RBFOX1: variants seen among roughly 807,000 people sequenced by gnomAD.
RBFOX1 encodes RNA binding protein fox-1 homolog 1.
In RBFOX1, 8 loss-of-function variants were observed where a neutral mutation model predicts 57.7. That is an observed-to-expected ratio of 0.14 (90% confidence interval 0.08 to 0.25). The LOEUF (loss-of-function observed/expected upper bound fraction) is 0.25, where lower values mean the gene tolerates loss of function less well. RBFOX1 is among the 10% of genes least tolerant of loss of function. The probability of loss-of-function intolerance (pLI) is 1.00; values close to 1 mark genes in which losing one functional copy is unlikely to be tolerated. For missense variants in RBFOX1, 611 were observed against 548.5 expected (o/e 1.11, Z -1.14); for synonymous variants, 326 against 222.4 (o/e 1.47, Z -4.15).
At chr16:6,762,790 C>A (rs528233230) in intron 3 of RBFOX1, among the ~76,000 whole-genome samples, 1 of 152,016 alleles carries the variant, frequency 6.6e-6, no homozygotes, top group Admixed American at 6.6e-5. Context: ...GGAAGACAGG[C>A]AAGGAAACAG....
chr16:6,582,916 G>T (rs2097556976), intron 2 of RBFOX1, among the ~76,000 whole-genome samples: 1 of 149,232 alleles, frequency 6.7e-6, no homozygotes, highest in Admixed American at 6.7e-5. Context: ...ACTATTATTT[G>T]CAATTTTTCT....
intron 1 of RBFOX1, among the ~76,000 whole-genome samples, chr16:6,292,922 G>A (rs888868259): frequency 2.0e-5 from 3 of 152,096 alleles, no homozygotes; most frequent in African/African-American, 7.2e-5. Flanking sequence ...TCTGGCTCCA[G>A]CCTGTTTCAA....
At chr16:7,400,143 A>T (rs535625028) in intron 4 of RBFOX1, among the ~76,000 whole-genome samples, 142 of 152,244 alleles carry the variant, frequency 9.3e-4, no homozygotes, top group Non-Finnish European at 1.7e-3. Context: ...GAATTTTCTG[A>T]TTCTGCCATT....
chr16:6,712,769 C>A (rs982611124), intron 3 of RBFOX1, among the ~76,000 whole-genome samples: 1 of 151,914 alleles, frequency 6.6e-6, no homozygotes, highest in African/African-American at 2.4e-5. Flanking sequence ...ATTCCACTTA[C>A]CAGTTGATAT....
chr16:7,659,812 T>C (rs1229346716), intron 12 of RBFOX1, among the ~76,000 whole-genome samples: 4 of 152,250 alleles, frequency 2.6e-5, no homozygotes, highest in African/African-American at 9.6e-5. Context: ...ACAAACATGA[T>C]GAATAAGTGG....
intron 3 of RBFOX1, among the ~76,000 whole-genome samples, chr16:5,823,957 A>G (rs1336888224): frequency 6.6e-6 from 1 of 152,206 alleles, no homozygotes; most frequent in Non-Finnish European, 1.5e-5. Flanking sequence ...ATTGTCTTCC[A>G]TGAAACCAGT....
At chr16:6,399,727 T>C (rs1190593195) in intron 2 of RBFOX1, among the ~76,000 whole-genome samples, 1 of 152,220 alleles carries the variant, frequency 6.6e-6, no homozygotes, top group Non-Finnish European at 1.5e-5. Flanking sequence ...TATTAGTTCA[T>C]TCTCAAGCTG....
intron 1 of RBFOX1, among the ~76,000 whole-genome samples, chr16:5,250,168 A>G (rs1264353056): frequency 6.6e-6 from 1 of 152,158 alleles, no homozygotes; most frequent in Non-Finnish European, 1.5e-5. Context: ...ATAGAAAACA[A>G]AAAGCAAAAC....
chr16:7,285,320 T>C (rs1242571713), intron 4 of RBFOX1, among the ~76,000 whole-genome samples: 1 of 152,056 alleles, frequency 6.6e-6, no homozygotes, highest in Non-Finnish European at 1.5e-5. Flanking sequence ...ATCTAGGATA[T>C]TGATGTTGGT....
intron 4 of RBFOX1, among the ~76,000 whole-genome samples, chr16:5,928,812 G>A (rs944115421): frequency 2.2e-4 from 33 of 151,880 alleles, no homozygotes; most frequent in African/African-American, 7.5e-4. Flanking sequence ...TCCCACCCTG[G>A]CTTTGGAAGG....
chr16:7,029,020 C>G (rs1167093053), intron 3 of RBFOX1, among the ~76,000 whole-genome samples: 3 of 116,886 alleles, frequency 2.6e-5, no homozygotes, highest in South Asian at 2.7e-4. Flanking sequence ...TCTAGTAATG[C>G]TAAGCATAAA....
At chr16:6,081,686 A>T (rs1265079031) in intron 1 of RBFOX1, among the ~76,000 whole-genome samples, 1 of 152,126 alleles carries the variant, frequency 6.6e-6, no homozygotes, top group African/African-American at 2.4e-5. Flanking sequence ...TTTGAAACTG[A>T]CTTTTAAATG....
chr16:6,123,289 G>A (rs973386162), intron 1 of RBFOX1, among the ~76,000 whole-genome samples: 2 of 151,990 alleles, frequency 1.3e-5, no homozygotes, highest in African/African-American at 4.8e-5. Flanking sequence ...AATAAGATGT[G>A]GTACATATAT....
chr16:7,138,984 A>G (rs545331605), intron 4 of RBFOX1, among the ~76,000 whole-genome samples: 10 of 152,202 alleles, frequency 6.6e-5, no homozygotes, highest in African/African-American at 1.4e-4. Context: ...TTATATTTTT[A>G]GTAGAGACAG....
At chr16:6,300,531 T>C (rs1446994601) in intron 1 of RBFOX1, among the ~76,000 whole-genome samples, 1 of 152,186 alleles carries the variant, frequency 6.6e-6, no homozygotes, top group Admixed American at 6.5e-5. Flanking sequence ...CTGTGGTACA[T>C]ATAAAGTATT....
At chr16:6,707,662 T>C (rs185666223) in intron 3 of RBFOX1, among the ~76,000 whole-genome samples, 1 of 152,214 alleles carries the variant, frequency 6.6e-6, no homozygotes, top group African/African-American at 2.4e-5. Flanking sequence ...GAAGGGCATG[T>C]ACATTTACAA....
At chr16:7,642,763 G>A (rs1568243526) in intron 11 of RBFOX1, among the ~76,000 whole-genome samples, 1 of 152,162 alleles carries the variant, frequency 6.6e-6, no homozygotes, top group East Asian at 1.9e-4. Context: ...AATAGATGAT[G>A]ACGAACTGCT....
At chr16:5,261,828 G>T (rs536939522) in intron 1 of RBFOX1, among the ~76,000 whole-genome samples, 13 of 152,284 alleles carry the variant, frequency 8.5e-5, no homozygotes, top group African/African-American at 2.9e-4. Flanking sequence ...GGGATTACAG[G>T]TGTGAGCCAC....
chr16:6,348,158 AC>A (rs1403535818), intron 2 of RBFOX1, among the ~76,000 whole-genome samples: 2 of 152,258 alleles, frequency 1.3e-5, no homozygotes, highest in African/African-American at 4.8e-5. Flanking sequence ...GGTTTTGAGC[AC>A]TGTAGGAGAG....
Sources: allele counts gnomAD v4.1 joint callset (sites outside exome capture counted in the v4.1 genomes callset), GRCh38; gene constraint gnomAD v4.1.1; transcripts MANE v1.5; gene names NCBI Gene and HGNC (gene_info 2026-07-23, HGNC 2026-07-21).